Variants in PC observed in about 807,000 individuals in gnomAD.
PC encodes the protein pyruvate carboxylase.
PC carries 46 observed loss-of-function variants against 107.8 expected under a neutral mutation model. The ratio of observed to expected loss-of-function variants is 0.43; its 90% CI spans 0.34 to 0.55. The LOEUF is 0.55. Ranked by LOEUF, PC falls within the 20% of genes least tolerant of loss-of-function variation. The probability of loss-of-function intolerance (pLI) is 0.04; values close to 1 mark genes in which losing one functional copy is unlikely to be tolerated. For synonymous variants in PC, 662 were observed against 684.7 expected (o/e 0.97, Z 0.52); for missense variants, 1,241 against 1,643.1 (o/e 0.76, Z 4.23).
At position 66,871,101 on chromosome 11, in the gene PC, G is replaced by A. The variant is rs1436643226; in HGVS notation, c.584C>T (p.Ala195Val). The A allele has an allele frequency of 2.5e-6, 4 of 1,613,914 alleles. No homozygotes were observed. The highest frequency in any genetic ancestry group is 2.5e-6 in the Non-Finnish European group (3 of 1,179,936). ...NTYGFPIIFK[A>V]AYGGGGRGMR... Reference sequence around the variant, plus strand: ...GCCACGCCCTCCACCCCCATAGGCCGCCTTGAAGATGATGGGGAAGCCGTA... The same window carrying A: ...GCCACGCCCTCCACCCCCATAGGCCACCTTGAAGATGATGGGGAAGCCGTA... Residue 195 changes from alanine to valine, a missense_variant, in exon 7 of 23, where the codon GCG becomes GTG. Coordinates refer to ENST00000393960, the MANE Select transcript of PC (RefSeq NM_001040716.2). The surrounding 1 kb of genome is among the most constrained non-coding windows in gnomAD (Gnocchi z 7.4).
intron 3 of PC, among the ~76,000 whole-genome samples, chr11:66,912,188 A>T (rs192737178): frequency 2.0e-5 from 3 of 152,316 alleles, no homozygotes; most frequent in African/African-American, 7.2e-5. Flanking sequence ...ACTGACCTAC[A>T]ATCCCCATCG....
Position 66,897,001 on chromosome 11 carries a change from G to A in PC, c.1-24842C>T, listed in dbSNP as rs558478694. Among the ~76,000 whole-genome samples the A allele has an allele frequency of 2.0e-5, 3 of 152,074 alleles. No individual in the cohort carries two copies. In the East Asian group the frequency reaches 5.8e-4, roughly 29 times the overall value. ...GGCTGGAGTGCAGTGGTGCAATCTC[G>A]GCTCACTGCAACCTCTGCCCCCGGG... On this transcript the variant is annotated intron_variant, in intron 3 of 22. Coordinates refer to ENST00000393960, the MANE Select transcript of PC (RefSeq NM_001040716.2).
At chr11:66,859,440 C>T (rs1052175474) in intron 12 of PC, among the ~76,000 whole-genome samples, 6 of 152,206 alleles carry the variant, frequency 3.9e-5, no homozygotes, top group African/African-American at 1.2e-4. Context: ...CCATTCCCCT[C>T]GCTTGCCTGC....
intron 3 of PC, among the ~76,000 whole-genome samples, chr11:66,887,219 C>A (rs560848760): frequency 1.1e-4 from 16 of 152,180 alleles, no homozygotes; most frequent in Non-Finnish European, 2.2e-4. Context: ...CCAAGCTCCA[C>A]CCCAACCCAG....
In PC at chr11:66,870,790, C is replaced by T; in HGVS notation, c.736G>A (p.Glu246Lys). Residue 246 changes from glutamate to lysine, a missense_variant, in exon 8 of 23, where the codon GAG (glutamate) becomes AAG (lysine). Physicochemically the swap from Glu to Lys is moderately conservative, Grantham distance 56 (BLOSUM62 1). Coordinates refer to ENST00000393960, the MANE Select transcript of PC (RefSeq NM_001040716.2). The surrounding 1 kb of genome is among the most constrained non-coding windows in gnomAD (Gnocchi z 6.1). ...EKFIEKPRHI[E>K]VQILGDQYGN... is the part of the protein sequence containing the mutation. ...GACCACTCACCCAAGATCTGCACCTCGATGTGCCGTGGCTTCTCGATGAAC... is the reference window on the plus strand; with the variant it reads ...GACCACTCACCCAAGATCTGCACCTTGATGTGCCGTGGCTTCTCGATGAAC... 2 of 1,613,006 alleles carry T rather than the reference C, an allele frequency of 1.2e-6. No individual in the cohort carries two copies. The highest frequency in any genetic ancestry group is 1.7e-6 in the Non-Finnish European group (2 of 1,179,946).
In PC at chr11:66,849,732, G is replaced by A. The variant is rs199771464; in HGVS notation, c.3026C>T (p.Ser1009Leu). 4 of 1,614,234 alleles carry A rather than the reference G, an allele frequency of 2.5e-6. No homozygotes were observed. Among genetic ancestry groups the A allele is most frequent in the Non-Finnish European group, 3.4e-6 (4 of 1,180,040 alleles). The change falls in exon 21 of 23, where the codon TCA (serine) becomes TTA (leucine). Residue 1009 changes from serine to leucine, a missense_variant. By Grantham distance (145) the Ser-to-Leu change is moderately radical (BLOSUM62 -2). Coordinates refer to ENST00000393960, the MANE Select transcript of PC (RefSeq NM_001040716.2). ...AAACACATCGGGGTACATAGCTGCT[G>A]AGAGCACATCTTCCGGCGTCACCTC... ...GEEVTPEDVL[S>L]AAMYPDVFAH...
rs943059417 is a variant in PC, at chr11:66,870,906, C to A, written c.634-14G>T. 5 of 1,610,356 alleles carry A rather than the reference C, an allele frequency of 3.1e-6. No individual in the cohort carries two copies. In the African/African-American group the frequency reaches 4.0e-5, roughly 13 times the overall value. On this transcript the variant is annotated splice_polypyrimidine_tract_variant and intron_variant, in intron 7 of 22. Coordinates refer to ENST00000393960, the MANE Select transcript of PC (RefSeq NM_001040716.2). This position sits in a 1 kb window ranked among gnomAD's most constrained non-coding sequence, Gnocchi z 6.1. ...CTCCTCCAGCTCCTGCGAGGGCGGG[C>A]AGGGGCCAGCCAGACCTCAGACCCC...
At chr11:66,954,756 C>G (rs1187249108) in intron 1 of PC, among the ~76,000 whole-genome samples, 1 of 152,068 alleles carries the variant, frequency 6.6e-6, no homozygotes, top group Non-Finnish European at 1.5e-5. Flanking sequence ...CCAGCCTGCC[C>G]AACATAGTGA....
rs1285012738 is a variant in PC at position 66,848,919 on chromosome 11, G to A, written c.3517C>T (p.Leu1173Phe). ...CAAGATCACTCGATCTCCAGGATGA[G>A]GTCGTCACCTTCCAGTGTCATGTCC... ...TKDMTLEGDD[L>F]ILEIE The change falls in exon 23 of 23, where the codon CTC becomes TTC. Residue 1173 changes from leucine to phenylalanine, a missense_variant. Physicochemically the swap from Leu to Phe is conservative, Grantham distance 22. Coordinates refer to ENST00000393960, the MANE Select transcript of PC (RefSeq NM_001040716.2). 6.2e-7 allele frequency: 1 copy of A among 1,613,902 alleles called. No homozygotes were observed. The highest frequency in any genetic ancestry group is 1.7e-5 in the Admixed American group (1 of 60,032).
At chr11:66,864,367 C>T (rs1216747283) in intron 11 of PC, among the ~76,000 whole-genome samples, 4 of 152,248 alleles carry the variant, frequency 2.6e-5, no homozygotes, top group Non-Finnish European at 4.4e-5. Context: ...TCTGCTGACC[C>T]GGCCGCTAAA....
At chr11:66,918,747 G>T (rs966515521) in intron 3 of PC, among the ~76,000 whole-genome samples, 7 of 152,052 alleles carry the variant, frequency 4.6e-5, no homozygotes, top group African/African-American at 9.7e-5. Context: ...AGAGGCAGAA[G>T]AATAAATAAA....
At chr11:66,904,008 A>C (rs551329301) in intron 3 of PC, among the ~76,000 whole-genome samples, 19 of 151,510 alleles carry the variant, frequency 1.3e-4, no homozygotes, top group Admixed American at 4.6e-4. Flanking sequence ...CTATAATTAT[A>C]TTTAACAACA....
chr11:66,942,908 C>T (rs1290147613), intron 3 of PC, among the ~76,000 whole-genome samples: 1 of 151,462 alleles, frequency 6.6e-6, no homozygotes, highest in Non-Finnish European at 1.5e-5. Context: ...CCCAGCTACT[C>T]GGGAGGCTGA....
chr11:66,870,762 C>G lies in PC; in HGVS notation c.751+13G>C, dbSNP rs374607634. ...CCTCCAGCTGCCCCAGGCGGGGCGT[C>G]AGGACCACTCACCCAAGATCTGCAC... is the stretch of plus-strand genomic sequence containing the variant. On this transcript the variant is annotated intron_variant, in intron 8 of 22. Transcript: ENST00000393960. The surrounding 1 kb of genome is among the most constrained non-coding windows in gnomAD (Gnocchi z 6.1). 1 of 1,607,504 alleles carries G rather than the reference C, an allele frequency of 6.2e-7. No homozygotes were observed. Among genetic ancestry groups the G allele is most frequent in the Non-Finnish European group, 8.5e-7 (1 of 1,176,992 alleles).
At chr11:66,957,016 T>C (rs1753666273) in intron 1 of PC, among the ~76,000 whole-genome samples, 1 of 152,222 alleles carries the variant, frequency 6.6e-6, no homozygotes. Flanking sequence ...TGCAAAAGAA[T>C]GTGATTAAGA....
chr11:66,957,381 C>T (rs1249004534), intron 1 of PC, among the ~76,000 whole-genome samples: 1 of 152,226 alleles, frequency 6.6e-6, no homozygotes, highest in African/African-American at 2.4e-5. Flanking sequence ...CTTTGGGAAG[C>T]CAGGGCAGGC....
chr11:66,916,328 C>T (rs1186198876), intron 3 of PC, among the ~76,000 whole-genome samples: 5 of 152,152 alleles, frequency 3.3e-5, no homozygotes, highest in Non-Finnish European at 7.3e-5. Context: ...GCAGGTGATC[C>T]TCCGACCTCG....
intron 11 of PC, 135 bp from the exon 12 acceptor site, chr11:66,864,091 G>C (rs1946392115): frequency 4.6e-6 from 4 of 868,826 alleles, no homozygotes; most frequent in Admixed American, 3.9e-5. Context: ...GTGAATCCCA[G>C]CTCTGGCTGG....
At position 66,872,107 on chromosome 11, in the gene PC, C is replaced by T. The variant is rs772650194; in HGVS notation, c.53G>A (p.Arg18Gln). 7.0e-6 allele frequency: 11 copies of T among 1,573,664 alleles called. No homozygotes were observed. In the East Asian group the frequency reaches 7.1e-5, roughly 10 times the overall value. Residue 18 changes from arginine to glutamine, a missense_variant, in exon 4 of 23, where the codon CGA becomes CAA. This residue lies in a region of PC where 1,143 missense variants were observed against 1,551.9 expected (regional missense o/e 0.74). Coordinates refer to ENST00000393960, the MANE Select transcript of PC (RefSeq NM_001040716.2). ...HGGLRLLGIRRTSTAPAASPN... is the reference protein window; with the variant it reads ...HGGLRLLGIRQTSTAPAASPN... ...GGAGGCAGCGGGGGCGGTGGAGGTT[C>T]GGCGGATTCCCAGGAGCCTCAGGCC...
Sources: gnomAD v4.1 joint callset for allele counts (sites outside exome capture counted in the v4.1 genomes callset) on GRCh38, gnomAD v4.1.1 for gene constraint, gnomAD v4.1.1 regional missense constraint, Gnocchi (gnomAD v3.1) non-coding constraint, MANE v1.5 for transcripts, NCBI Gene and HGNC (gene_info 2026-07-23, HGNC 2026-07-21) for gene names.